The following SMYD3 variants were observed in gnomAD, a reference collection of about 807,000 sequenced individuals.
The protein encoded by SMYD3 is SET and MYND domain containing 3.
SMYD3 carries 36 observed loss-of-function variants against 57.7 expected under a neutral mutation model. The ratio of observed to expected loss-of-function variants is 0.62; its 90% CI spans 0.48 to 0.82. The LOEUF is 0.82. Among genes scored for constraint, SMYD3 ranks in the 40% least tolerant of loss-of-function variants. The pLI is 0.00. For synonymous variants in SMYD3, 211 were observed against 195.0 expected (o/e 1.08, Z -0.68); for missense variants, 515 against 538.8 (o/e 0.96, Z 0.44).
chr1:246,048,371 A>G (rs1278083039), intron 5 of SMYD3, among the ~76,000 whole-genome samples: 1 of 152,184 alleles, frequency 6.6e-6, no homozygotes, highest in South Asian at 2.1e-4. Flanking sequence ...AGAAAATTCT[A>G]CTTTGAAGAG....
At chr1:246,448,710 A>T (rs1244188411) in intron 1 of SMYD3, among the ~76,000 whole-genome samples, 4 of 149,050 alleles carry the variant, frequency 2.7e-5, no homozygotes, top group African/African-American at 9.8e-5. Flanking sequence ...TTTTTAAAAA[A>T]AAAAAAAAAA....
chr1:246,294,571 T>C (rs1397565449), intron 5 of SMYD3, among the ~76,000 whole-genome samples: 3 of 151,822 alleles, frequency 2.0e-5, no homozygotes, highest in Non-Finnish European at 4.4e-5. Context: ...CATGTATACA[T>C]CTGTGTGTGA....
chr1:245,994,864 C>T (rs1482276747), intron 5 of SMYD3, among the ~76,000 whole-genome samples: 2 of 151,410 alleles, frequency 1.3e-5, no homozygotes, highest in South Asian at 2.1e-4. Context: ...CAGTGGCTCA[C>T]GCCTGTAATT....
rs538056812 is a variant in SMYD3 at position 245,970,098 on chromosome 1, T to C, written c.532-40161A>G. ...TACAGCAGCCAAAACAGCATGGTAC[T>C]GGTACCAAAACAGACGTATAGACGA... On this transcript the variant is annotated intron_variant, in intron 5 of 11. Transcript: ENST00000490107. Among the ~76,000 whole-genome samples the C allele has an allele frequency of 3.2e-3, 491 of 152,346 alleles. 5 individuals are homozygous for C. The highest frequency in any genetic ancestry group is 0.011 in the African/African-American group (461 of 41,576).
intron 10 of SMYD3, among the ~76,000 whole-genome samples, chr1:245,830,144 C>T (rs1204519059): frequency 6.6e-6 from 1 of 152,118 alleles, no homozygotes; most frequent in East Asian, 1.9e-4. Context: ...TTGTACATAA[C>T]ATAGTATGAA....
At chr1:246,309,649 G>A (rs2065042109) in intron 5 of SMYD3, among the ~76,000 whole-genome samples, 1 of 152,152 alleles carries the variant, frequency 6.6e-6, no homozygotes, top group East Asian at 1.9e-4. Context: ...ATTTATCAAT[G>A]AAATGCTCCC....
chr1:246,163,442 C>T (rs1169081098), intron 5 of SMYD3, among the ~76,000 whole-genome samples: 1 of 152,154 alleles, frequency 6.6e-6, no homozygotes, highest in Non-Finnish European at 1.5e-5. Context: ...ATATTCACTA[C>T]GAGGCCATTC....
intron 5 of SMYD3, among the ~76,000 whole-genome samples, chr1:246,090,819 T>C (rs944627600): frequency 1.3e-5 from 2 of 152,122 alleles, no homozygotes; most frequent in African/African-American, 2.4e-5. Flanking sequence ...ACCCGGCTCT[T>C]TCTCTTTTCT....
intron 5 of SMYD3, among the ~76,000 whole-genome samples, chr1:246,002,769 A>T (rs1396711628): frequency 2.6e-5 from 4 of 151,984 alleles, no homozygotes; most frequent in Non-Finnish European, 5.9e-5. Flanking sequence ...ATTTCTTTAG[A>T]GACGGGGTCC....
intron 10 of SMYD3, among the ~76,000 whole-genome samples, chr1:245,787,066 A>G (rs1404597538): frequency 5.9e-5 from 9 of 152,260 alleles, no homozygotes. Flanking sequence ...AATTGTGTTC[A>G]TTAGAGCGGT....
intron 5 of SMYD3, among the ~76,000 whole-genome samples, chr1:246,227,787 T>G (rs746110333): frequency 1.2e-4 from 18 of 152,202 alleles, no homozygotes; most frequent in East Asian, 1.9e-4. Context: ...CCACTCTACC[T>G]TTATGCATAA....
At chr1:245,783,592 A>G (rs972427738) in intron 10 of SMYD3, among the ~76,000 whole-genome samples, 5 of 152,230 alleles carry the variant, frequency 3.3e-5, no homozygotes, top group Admixed American at 2.6e-4. Context: ...ATAGAAAGGA[A>G]AAAATAAGCT....
In SMYD3 at chr1:245,865,859, G is replaced by T. The variant is rs1215698083; in HGVS notation, c.814-1973C>A. On this transcript the variant is annotated intron_variant, in intron 8 of 11. Coordinates refer to ENST00000490107, the MANE Select transcript of SMYD3 (RefSeq NM_001167740.2). ...GTCCTGTTGGACAGTGCTGCTTTCA[G>T]GTGGCTAGTCAAAGGGTAAGCACTC... Among the ~76,000 whole-genome samples the T allele has an allele frequency of 3.3e-5, 5 of 152,306 alleles. No homozygotes were observed. The South Asian group carries it at 8.3e-4, about 25-fold the overall frequency.
At chr1:246,412,592 GAAGT>G (rs1306814837) in intron 1 of SMYD3, among the ~76,000 whole-genome samples, 2 of 151,540 alleles carry the variant, frequency 1.3e-5, no homozygotes, top group Non-Finnish European at 2.9e-5. Flanking sequence ...TTCTTAAATT[GAAGT>G]AAGAAGTGGA....
intron 5 of SMYD3, among the ~76,000 whole-genome samples, chr1:246,087,596 T>C (rs573025116): frequency 8.5e-5 from 13 of 152,326 alleles, no homozygotes; most frequent in South Asian, 2.1e-4. Context: ...CTATGAAACT[T>C]TTTTCTAAAC....
intron 8 of SMYD3, among the ~76,000 whole-genome samples, chr1:245,890,860 T>C (rs1344911299): frequency 2.0e-5 from 3 of 152,320 alleles, no homozygotes; most frequent in African/African-American, 2.4e-5. Flanking sequence ...ACATGGTACA[T>C]ATACACAATG....
At chr1:245,965,729 G>A (rs958974903) in intron 5 of SMYD3, among the ~76,000 whole-genome samples, 2 of 152,196 alleles carry the variant, frequency 1.3e-5, no homozygotes, top group Admixed American at 6.5e-5. Context: ...GAGATGAGAG[G>A]GGAGGGAGAG....
At chr1:246,072,956 G>C (rs2060484401) in intron 5 of SMYD3, among the ~76,000 whole-genome samples, 1 of 152,174 alleles carries the variant, frequency 6.6e-6, no homozygotes, top group Admixed American at 6.5e-5. Context: ...CTCCATTTGT[G>C]AAAGATAAAA....
chr1:246,110,143 A>T (rs774737201), intron 5 of SMYD3, among the ~76,000 whole-genome samples: 20 of 152,228 alleles, frequency 1.3e-4, no homozygotes, highest in Admixed American at 2.0e-4. Flanking sequence ...AAGTGAATGG[A>T]AACTGTGAAT....
Sources: allele counts gnomAD v4.1 joint callset (sites outside exome capture counted in the v4.1 genomes callset), GRCh38; gene constraint gnomAD v4.1.1; transcripts MANE v1.5; gene names NCBI Gene and HGNC (gene_info 2026-07-23, HGNC 2026-07-21).